WASF3: variants seen among roughly 807,000 people sequenced by gnomAD.
WASF3 encodes the protein actin-binding protein WASF3.
WASF3 carries 11 observed loss-of-function variants against 46.6 expected under a neutral mutation model. That is an observed-to-expected ratio of 0.24 (90% confidence interval 0.15 to 0.39). The LOEUF is 0.39. Ranked by LOEUF, WASF3 falls within the 10% of genes least tolerant of loss-of-function variation. The pLI is 1.00. For synonymous variants in WASF3, 242 were observed against 259.7 expected, an observed-to-expected ratio of 0.93 and a Z score of 0.65; for missense variants, 576 against 669.8, an observed-to-expected ratio of 0.86 and a Z score of 1.55.
chr13:26,599,682 TG>T (rs1214788208), intron 1 of WASF3, among the ~76,000 whole-genome samples: 1 of 152,212 alleles, frequency 6.6e-6, no homozygotes, highest in Non-Finnish European at 1.5e-5. Context: ...GCAGATTCTT[TG>T]TCTTTCCACC....
chr13:26,595,273 A>G (rs1400776345), intron 1 of WASF3, among the ~76,000 whole-genome samples: 2 of 152,194 alleles, frequency 1.3e-5, no homozygotes, highest in African/African-American at 4.8e-5. Flanking sequence ...CTTTTTAAAT[A>G]TGGATCTGCT....
intron 3 of WASF3, among the ~76,000 whole-genome samples, chr13:26,653,086 T>A (rs1373742343): frequency 6.6e-6 from 1 of 152,176 alleles, no homozygotes; most frequent in African/African-American, 2.4e-5. Flanking sequence ...AAGGTCTCCC[T>A]CTGACACATT....
At chr13:26,578,467 T>C (rs1879868095) in intron 1 of WASF3, among the ~76,000 whole-genome samples, 1 of 152,328 alleles carries the variant, frequency 6.6e-6, no homozygotes, top group East Asian at 1.9e-4. Context: ...ATGGCCTACT[T>C]GTGCCTCATC....
At chr13:26,642,154 A>T in intron 2 of WASF3, 107 bp from the exon 3 acceptor site, 1 of 1,246,928 alleles carries the variant, frequency 8.0e-7, no homozygotes. Context: ...TAGAAATTTT[A>T]GGATAATGAA....
At chr13:26,638,536 A>G (rs1411566112) in intron 2 of WASF3, 2 of 152,218 alleles carry the variant, frequency 1.3e-5, no homozygotes, top group Admixed American at 6.5e-5. Flanking sequence ...CAATAAAGGA[A>G]TCAAGAGGCG....
chr13:26,674,496 C>T (rs746529277), intron 6 of WASF3, among the ~76,000 whole-genome samples: 2 of 152,144 alleles, frequency 1.3e-5, no homozygotes, highest in Non-Finnish European at 2.9e-5. Flanking sequence ...TACCTAGCCA[C>T]GGTTAACAGC....
chr13:26,572,107 C>T (rs548716035), intron 1 of WASF3, among the ~76,000 whole-genome samples: 1 of 152,274 alleles, frequency 6.6e-6, no homozygotes, highest in South Asian at 2.1e-4. Context: ...TGGAGTTTTT[C>T]AGGTTTACTA....
intron 1 of WASF3, among the ~76,000 whole-genome samples, chr13:26,600,287 G>T (rs989251427): frequency 3.3e-5 from 5 of 152,144 alleles, no homozygotes; most frequent in Admixed American, 6.6e-5. Flanking sequence ...CTGAAAAAAG[G>T]TTTTCTAGGT....
the WASF3 span, among the ~76,000 whole-genome samples, chr13:26,550,802 C>T: frequency 2.6e-5 from 4 of 152,182 alleles, no homozygotes; most frequent in Non-Finnish European, 5.9e-5. Flanking sequence ...CCAGGAGAAA[C>T]TGATCAGTGT....
intron 1 of WASF3, among the ~76,000 whole-genome samples, chr13:26,610,494 A>C (rs1880939395): frequency 6.6e-6 from 1 of 152,158 alleles, no homozygotes; most frequent in Admixed American, 6.5e-5. Context: ...ACACATAACT[A>C]CATATATATG....
Position 26,682,788 on chromosome 13 carries a change from G to C in WASF3, c.1165G>C (p.Gly389Arg), listed in dbSNP as rs531238022. The C allele has an allele frequency of 2.5e-6, 4 of 1,611,024 alleles. No homozygotes were observed. In the East Asian group the frequency reaches 8.9e-5, roughly 36 times the overall value. Residue 389 changes from glycine (G) to arginine (R), a missense_variant, in exon 9 of 10, where the codon GGG becomes CGG. Transcript: ENST00000335327. The surrounding 1 kb of genome is among the most constrained non-coding windows in gnomAD (Gnocchi z 4.4). ...HAAPPHPPST[G>R]LLVTAPPPPG... The stretch of plus-strand genomic sequence containing the variant: ...AGCTCCTCCTCACCCACCCTCCACC[G>C]GGCTCCTGGTCACAGCCCCGCCACC...
At chr13:26,677,582 C>T (rs190958669) in intron 7 of WASF3, among the ~76,000 whole-genome samples, 32 of 152,270 alleles carry the variant, frequency 2.1e-4, no homozygotes, top group African/African-American at 6.5e-4. Flanking sequence ...AAACTCTTAA[C>T]GTATTACGTG....
intron 1 of WASF3, 39 bp from the exon 2 acceptor site, chr13:26,612,922 T>C (rs1054441078): frequency 6.6e-6 from 1 of 152,188 alleles, no homozygotes; most frequent in African/African-American, 2.4e-5. Flanking sequence ...TGAATGCATT[T>C]TGCCTACTGG....
At position 26,568,258 on chromosome 13, in the gene WASF3, A is replaced by C. The variant is rs188745553; in HGVS notation, c.-109+10439A>C. 7.3e-4 allele frequency among the ~76,000 whole-genome samples: 111 copies of C among 152,218 alleles called. 1 individual carries two copies. In the East Asian group the frequency reaches 0.02, roughly 28 times the overall value. ...CTGTGTAGAGGATAGACAGGGGACAAAGGTAGAAGGTGGGTGTCTGTGTGC... is the reference window on the plus strand; with the variant it reads ...CTGTGTAGAGGATAGACAGGGGACACAGGTAGAAGGTGGGTGTCTGTGTGC... On this transcript the variant is annotated intron_variant, in intron 1 of 9. Transcript: ENST00000335327.
At chr13:26,629,600 C>T (rs545237233) in intron 2 of WASF3, among the ~76,000 whole-genome samples, 14 of 152,256 alleles carry the variant, frequency 9.2e-5, no homozygotes, top group African/African-American at 3.4e-4. Flanking sequence ...TCCTCCTTCC[C>T]CTGGATGTAT....
chr13:26,597,327 G>T (rs1880498718), intron 1 of WASF3, among the ~76,000 whole-genome samples: 1 of 152,164 alleles, frequency 6.6e-6, no homozygotes, highest in African/African-American at 2.4e-5. Flanking sequence ...TAGAGATGGG[G>T]CTTCGCCATG....
intron 3 of WASF3, among the ~76,000 whole-genome samples, chr13:26,646,280 G>A (rs1272211756): frequency 6.6e-6 from 1 of 152,142 alleles, no homozygotes; most frequent in African/African-American, 2.4e-5. Flanking sequence ...AAGAATAAGA[G>A]AATGTAAAGG....
chr13:26,626,383 T>C (rs1881464467), intron 2 of WASF3: 1 of 152,218 alleles, frequency 6.6e-6, no homozygotes, highest in Non-Finnish European at 1.5e-5. Context: ...TGGCAAGGAA[T>C]GTTCTTGCTA....
At chr13:26,680,845 C>T (rs1263279697) in intron 7 of WASF3, among the ~76,000 whole-genome samples, 1 of 152,154 alleles carries the variant, frequency 6.6e-6, no homozygotes, top group Non-Finnish European at 1.5e-5. Context: ...AATCTGAATC[C>T]ATGTAACACT....
Sources: allele counts gnomAD v4.1 joint callset (sites outside exome capture counted in the v4.1 genomes callset), GRCh38; gene constraint gnomAD v4.1.1; non-coding constraint Gnocchi (gnomAD v3.1); transcripts MANE v1.5; gene names NCBI Gene and HGNC (gene_info 2026-07-23, HGNC 2026-07-21).